SPIN3: variants seen among roughly 807,000 people sequenced by gnomAD.
The protein encoded by SPIN3 is spindlin-3.
For missense variants in SPIN3, 176 were observed against 196.4 expected, an observed-to-expected ratio of 0.90 and a Z score of 0.62; for synonymous variants, 74 against 74.3, an observed-to-expected ratio of 1.00 and a Z score of 0.02.
chrX:56,975,576 CCAGTCTTT>C (rs1923988609), downstream of SPIN3: 1 of 111,494 alleles, frequency 9.0e-6, no homozygotes, highest in Admixed American at 9.5e-5. Context: ...ATATCCTGAA[CCAGTCTTT>C]CAGGTTAAAT....
In SPIN3 at chrX:56,994,691, T is replaced by C; in HGVS notation, c.257A>G (p.Lys86Arg). Reference sequence around the variant, plus strand: ...ATAAACACAGTCAAATCCATCATATTTGATAAGATACAGAGAGGGATTTAC... The same window carrying C: ...ATAAACACAGTCAAATCCATCATATCTGATAAGATACAGAGAGGGATTTAC... ...VPVNPSLYLI[K>R]YDGFDCVYGL... The change falls in exon 2 of 2, where the codon AAA becomes AGA. Residue 86 changes from lysine (K) to arginine (R), a missense_variant. Transcript: ENST00000374919. 1 of 1,211,884 alleles carries C rather than the reference T, an allele frequency of 8.3e-7. No individual in the cohort carries two copies. Among genetic ancestry groups the C allele is most frequent in the Non-Finnish European group, 1.1e-6 (1 of 895,546 alleles).
chrX:56,981,738 T>C (rs1291047512), intron 3 of SPIN3: 2 of 112,174 alleles, frequency 1.8e-5, no homozygotes, highest in Non-Finnish European at 3.8e-5. Context: ...CACGGATTTA[T>C]GGTAACATTT....
chrX:56,994,953 C>A lies in SPIN3; in HGVS notation c.-2-4G>T. On this transcript the variant is annotated splice_polypyrimidine_tract_variant and splice_region_variant and intron_variant, in intron 1 of 1. Coordinates refer to ENST00000374919, the MANE Select transcript of SPIN3 (RefSeq NM_001010862.3). ...TTTCCAAACGGGGTCTTCATGCCTG[C>A]GAAGAGGAGCACAGTTGCCAGGTGG... 1 of 1,172,585 alleles carries A rather than the reference C, an allele frequency of 8.5e-7. No homozygotes were observed. Among genetic ancestry groups the A allele is most frequent in the Non-Finnish European group, 1.1e-6 (1 of 877,945 alleles).
At chrX:56,975,645 C>T (rs1446893478), downstream of SPIN3, 2 of 110,818 alleles carry the variant, frequency 1.8e-5, no homozygotes, top group African/African-American at 3.3e-5. Flanking sequence ...TTGGGGGGGC[C>T]TTAGAATTTT....
rs1210302537 is a variant in SPIN3 at position 56,994,058 on chromosome X, A to G, written c.*113T>C. The stretch of plus-strand genomic sequence containing the variant: ...GGGCAGAAGTTCCAATTTTTTTGCC[A>G]AGCAAAACGTGCAAAAAGGGAGAAG... On this transcript the variant is annotated 3_prime_UTR_variant, in exon 2 of 2. Coordinates refer to ENST00000374919, the MANE Select transcript of SPIN3 (RefSeq NM_001010862.3). The G allele has an allele frequency of 2.0e-5, 17 of 864,888 alleles. No homozygotes were observed. In the East Asian group the frequency reaches 5.9e-4, roughly 30 times the overall value. The allele number at this position is 864,888 out of a possible 1,213,427, so 71.3% of individuals were successfully genotyped here.
In SPIN3 at chrX:56,994,061, C is replaced by A. The variant is rs2146836608; in HGVS notation, c.*110G>T. 2 of 873,261 alleles carry A rather than the reference C, an allele frequency of 2.3e-6. No individual in the cohort carries two copies. The highest frequency in any genetic ancestry group is 3.1e-6 in the Non-Finnish European group (2 of 652,120). The allele number at this position is 873,261 out of a possible 1,213,427, so 72.0% of individuals were successfully genotyped here. On this transcript the variant is annotated 3_prime_UTR_variant, in exon 2 of 2. Transcript: ENST00000374919. The stretch of plus-strand genomic sequence containing the variant: ...CAGAAGTTCCAATTTTTTTGCCAAG[C>A]AAAACGTGCAAAAAGGGAGAAGATG...
intron 3 of SPIN3, among the ~76,000 whole-genome samples, chrX:56,983,268 T>C (rs1924155241): frequency 1.8e-5 from 2 of 111,753 alleles, no homozygotes; most frequent in Admixed American, 1.9e-4. Context: ...CACCTGTTCT[T>C]TTACGTGCCC....
intron 5 of SPIN3, chrX:56,978,227 A>C (rs765565908): frequency 8.9e-6 from 1 of 112,624 alleles, no homozygotes; most frequent in East Asian, 2.8e-4. Flanking sequence ...CTCCAAAGGG[A>C]ATATGTTGCC....
rs1924371367 is a variant in SPIN3, at chrX:56,992,555, G to A, written c.*1616C>T. The A allele has an allele frequency of 1.0e-5, 3 of 295,430 alleles. No individual in the cohort carries two copies. The highest frequency in any genetic ancestry group is 8.3e-5 in the African/African-American group (3 of 36,247). The allele number at this position is 295,430 out of a possible 1,213,427, so 24.3% of individuals were successfully genotyped here. A position where few individuals can be genotyped will look rare whatever the true frequency, so the allele number is the denominator to read the frequency against. On this transcript the variant is annotated 3_prime_UTR_variant, in exon 2 of 2. Coordinates refer to ENST00000374919, the MANE Select transcript of SPIN3 (RefSeq NM_001010862.3). ...AGCAGGATGCCAATCTGTGCCGGTA[G>A]TCTGGACTCCATGACCTGTGAACTT...
At chrX:56,982,016 G>A (rs1012976555) in intron 3 of SPIN3, 1 of 111,703 alleles carries the variant, frequency 9.0e-6, no homozygotes, top group East Asian at 2.8e-4. Flanking sequence ...TGTTCACAAT[G>A]TACAGCTCAG....
In SPIN3 at chrX:56,995,538, TCTC is replaced by T. The variant is rs1476192355; in HGVS notation, c.-328_-326del. Reference sequence around the variant, plus strand: ...CCCACTAGTCGCTGCTGCGCCGCAGTCTCCTCCTTCTTTTTCTAGCGCAGCTTC... The same window carrying T: ...CCCACTAGTCGCTGCTGCGCCGCAGTCTCCTTCTTTTTCTAGCGCAGCTTC... On this transcript the variant is annotated 5_prime_UTR_variant, in exon 1 of 2. Transcript: ENST00000374919. 9.0e-6 allele frequency: 1 copy of T among 110,979 alleles called. No individual in the cohort carries two copies. Among genetic ancestry groups the T allele is most frequent in the East Asian group, 2.9e-4 (1 of 3,472 alleles). The allele number at this position is 110,979 out of a possible 1,213,427, so 9.1% of individuals were successfully genotyped here. A position where few individuals can be genotyped will look rare whatever the true frequency, so the allele number is the denominator to read the frequency against.
At chrX:56,978,090 A>G (rs930877939) in intron 5 of SPIN3, 2 of 112,228 alleles carry the variant, frequency 1.8e-5, no homozygotes, top group Non-Finnish European at 3.8e-5. Context: ...TGGACTTGAC[A>G]TAGCCAAACC....
Position 56,993,952 on chromosome X carries a change from A to G in SPIN3, c.*219T>C. ...ATGGATGTCAGACTTTACCCTTCTC[A>G]CTAATCAGTTAAATTGCGGAGAGGA... On this transcript the variant is annotated 3_prime_UTR_variant, in exon 2 of 2. Coordinates refer to ENST00000374919, the MANE Select transcript of SPIN3 (RefSeq NM_001010862.3). The G allele has an allele frequency of 5.2e-6, 2 of 383,590 alleles. No individual in the cohort carries two copies. The highest frequency in any genetic ancestry group is 8.9e-6 in the Non-Finnish European group (2 of 223,938). 31.6% of individuals were successfully genotyped at this position (383,590 alleles called of 1,213,427 possible).
intron 2 of SPIN3, chrX:56,984,493 A>G (rs907803485): frequency 3.0e-6 from 1 of 329,630 alleles, no homozygotes; most frequent in Admixed American, 3.1e-5. Flanking sequence ...AAAGCAAAAA[A>G]AAAAAGTACA....
At position 56,992,255 on chromosome X, in the gene SPIN3, T is replaced by C. The variant is rs1924361653; in HGVS notation, c.*1916A>G. 2.7e-5 allele frequency: 8 copies of C among 297,210 alleles called. No homozygotes were observed. Among genetic ancestry groups the C allele is most frequent in the Non-Finnish European group, 1.2e-5 (2 of 170,274 alleles). 24.5% of individuals were successfully genotyped at this position (297,210 alleles called of 1,213,427 possible). On this transcript the variant is annotated 3_prime_UTR_variant, in exon 2 of 2. Coordinates refer to ENST00000374919, the MANE Select transcript of SPIN3 (RefSeq NM_001010862.3). ...GAATTAATCTAACCCCACAATTGCATGTCATACATATTAAAGAGTCCAAAG... is the reference window on the plus strand; with the variant it reads ...GAATTAATCTAACCCCACAATTGCACGTCATACATATTAAAGAGTCCAAAG...
At chrX:56,987,914 A>G (rs1924255728), downstream of SPIN3, among the ~76,000 whole-genome samples, 1 of 112,200 alleles carries the variant, frequency 8.9e-6, no homozygotes, top group Admixed American at 9.5e-5. Context: ...TACCCTCTTG[A>G]GAACTAAAGG....
At position 56,993,069 on chromosome X, in the gene SPIN3, C is replaced by A. The variant is rs745992095; in HGVS notation, c.*1102G>T. The A allele has an allele frequency of 8.9e-6, 1 of 112,245 alleles. No homozygotes were observed. The highest frequency in any genetic ancestry group is 9.5e-5 in the Admixed American group (1 of 10,582). 9.3% of individuals were successfully genotyped at this position (112,245 alleles called of 1,213,427 possible). ...TAATAGATGAGCCCACCAGTCCCTG[C>A]AAGGAAGTATAGCCTGCTTTCAGCC... On this transcript the variant is annotated 3_prime_UTR_variant, in exon 2 of 2. Transcript: ENST00000374919.
At chrX:56,988,964 G>A (rs1056813303), downstream of SPIN3, among the ~76,000 whole-genome samples, 2 of 112,011 alleles carry the variant, frequency 1.8e-5, no homozygotes, top group African/African-American at 6.5e-5. Context: ...AAGAGAGAAC[G>A]TCTCAGAAAA....
rs1239773026 is a variant in SPIN3 at position 56,994,837 on chromosome X, A to C, written c.111T>G (p.His37Gln). 1.7e-6 allele frequency: 2 copies of C among 1,211,379 alleles called. No individual in the cohort carries two copies. The highest frequency in any genetic ancestry group is 5.9e-5 in the East Asian group (2 of 33,812). ...GAGGCTGGGAGGTGGGTCGGCTCCT[A>C]TGCTTCTTGTGTGCAGCCTTCCTCT... ...MIKRKAAHKK[H>Q]RSRPTSQPRG... The change falls in exon 2 of 2, where the codon CAT (histidine) becomes CAG (glutamine). Residue 37 changes from histidine (H) to glutamine (Q), a missense_variant. Transcript: ENST00000374919.
Sources: allele counts gnomAD v4.1 joint callset (sites outside exome capture counted in the v4.1 genomes callset), GRCh38; gene constraint gnomAD v4.1.1; transcripts MANE v1.5; gene names NCBI Gene and HGNC (gene_info 2026-07-23, HGNC 2026-07-21).